The following CDH13 variants were observed in gnomAD, a reference collection of about 807,000 sequenced individuals.
The protein encoded by CDH13 is cadherin-13.
CDH13 carries 24 observed loss-of-function variants against 63.8 expected under a neutral mutation model. That is an observed-to-expected ratio of 0.38 (90% CI 0.27 to 0.53). The LOEUF is 0.53. Among genes scored for constraint, CDH13 ranks in the 20% least tolerant of loss-of-function variants. The pLI is 0.85. For missense variants in CDH13, 1,049 were observed against 903.1 expected, an observed-to-expected ratio of 1.16 and a Z score of -2.07; for synonymous variants, 503 against 355.3, an observed-to-expected ratio of 1.42 and a Z score of -4.67.
intron 1 of CDH13, among the ~76,000 whole-genome samples, chr16:82,712,189 C>G (rs142626992): frequency 6.6e-6 from 1 of 152,044 alleles, no homozygotes; most frequent in Non-Finnish European, 1.5e-5. Context: ...TCTCGCATGA[C>G]CTTGATGAAG....
intron 4 of CDH13, among the ~76,000 whole-genome samples, chr16:83,181,646 G>T (rs950462758): frequency 6.6e-6 from 1 of 152,302 alleles, no homozygotes; most frequent in Non-Finnish European, 1.5e-5. Flanking sequence ...GCTGAAAAGA[G>T]GGGGAGAAGA....
intron 4 of CDH13, among the ~76,000 whole-genome samples, chr16:83,180,199 A>T (rs998646897): frequency 5.3e-5 from 8 of 152,096 alleles, no homozygotes; most frequent in African/African-American, 1.9e-4. Flanking sequence ...CATTCTCTTC[A>T]TCACATAGCC....
chr16:83,051,993 A>G (rs2030390774), intron 3 of CDH13, among the ~76,000 whole-genome samples: 1 of 152,198 alleles, frequency 6.6e-6, no homozygotes. Context: ...GTCATGTGGA[A>G]ATGAGAATAA....
intron 6 of CDH13, among the ~76,000 whole-genome samples, chr16:83,365,876 A>G (rs190260510): frequency 7.5e-4 from 114 of 152,270 alleles, no homozygotes; most frequent in African/African-American, 2.3e-3. Context: ...CAGCACCCCA[A>G]ATGATGCTGG....
At chr16:82,810,861 G>T (rs898589380) in intron 1 of CDH13, among the ~76,000 whole-genome samples, 1 of 149,632 alleles carries the variant, frequency 6.7e-6, no homozygotes, top group African/African-American at 2.5e-5. Flanking sequence ...ATAGGATTCG[G>T]GGTGATTGTG....
intron 6 of CDH13, among the ~76,000 whole-genome samples, chr16:83,405,526 T>C (rs11149562): frequency 0.19 from 28,488 of 152,138 alleles, 2,895 homozygotes; most frequent in Middle Eastern, 0.28. Context: ...CAGGAAAAGG[T>C]AAGGGAACCT....
At chr16:83,101,864 A>G (rs1035147793) in intron 3 of CDH13, among the ~76,000 whole-genome samples, 4 of 152,294 alleles carry the variant, frequency 2.6e-5, no homozygotes, top group Admixed American at 6.5e-5. Flanking sequence ...GAAAGGTCTG[A>G]GGAAAGTGAA....
chr16:83,707,275 T>C (rs189699648), intron 10 of CDH13, among the ~76,000 whole-genome samples: 2 of 152,330 alleles, frequency 1.3e-5, no homozygotes, highest in African/African-American at 4.8e-5. Context: ...TCCGTAACAC[T>C]TTCGGTGAGT....
At chr16:83,125,644 A>G in intron 4 of CDH13, 143 bp downstream of exon 4, 1 of 544,264 alleles carries the variant, frequency 1.8e-6, no homozygotes, top group East Asian at 2.9e-5. Context: ...AGTCATGAAA[A>G]GAATGTTGGA....
chr16:82,991,561 C>A (rs1181134778), intron 2 of CDH13, among the ~76,000 whole-genome samples: 2 of 152,114 alleles, frequency 1.3e-5, no homozygotes, highest in South Asian at 2.1e-4. Flanking sequence ...CTACTGCAAT[C>A]CCTCATCTCA....
intron 3 of CDH13, among the ~76,000 whole-genome samples, chr16:83,045,426 C>G (rs1917686684): frequency 6.6e-6 from 1 of 151,922 alleles, no homozygotes; most frequent in Non-Finnish European, 1.5e-5. Context: ...ATCACGATAT[C>G]AGGAGTTCAA....
chr16:82,961,572 T>TAAAAAA (rs71376305), intron 2 of CDH13, among the ~76,000 whole-genome samples: 3 of 103,386 alleles, frequency 2.9e-5, no homozygotes, highest in East Asian at 3.0e-4. Context: ...GCAGGGGACT[T>TAAAAAA]AAAAAAAAAA....
chr16:83,153,331 C>A (rs1464191970), intron 4 of CDH13, among the ~76,000 whole-genome samples: 2 of 151,752 alleles, frequency 1.3e-5, no homozygotes, highest in Non-Finnish European at 2.9e-5. Context: ...CTGGGTGGTG[C>A]CAGTTGATCC....
chr16:82,865,073 T>C (rs1167578970), intron 2 of CDH13, among the ~76,000 whole-genome samples: 5 of 152,240 alleles, frequency 3.3e-5, no homozygotes, highest in African/African-American at 1.2e-4. Context: ...CAGGTCACCC[T>C]GATGCAAGAG....
At chr16:83,730,698 A>G (rs1910943713) in intron 10 of CDH13, among the ~76,000 whole-genome samples, 1 of 152,052 alleles carries the variant, frequency 6.6e-6, no homozygotes, top group Non-Finnish European at 1.5e-5. Flanking sequence ...CAGGGGGTCC[A>G]TGGGCAGGTT....
intron 5 of CDH13, among the ~76,000 whole-genome samples, chr16:83,308,955 A>C: frequency 6.6e-6 from 1 of 152,208 alleles, no homozygotes; most frequent in Non-Finnish European, 1.5e-5. Context: ...GAAGGGAAAG[A>C]GGGCACCAGG....
intron 4 of CDH13, among the ~76,000 whole-genome samples, chr16:83,135,868 G>T (rs1357748597): frequency 6.6e-6 from 1 of 152,198 alleles, no homozygotes; most frequent in African/African-American, 2.4e-5. Flanking sequence ...AATGGCATTT[G>T]CAGCAACCTG....
intron 7 of CDH13, among the ~76,000 whole-genome samples, chr16:83,529,075 C>T (rs1012816648): frequency 6.7e-6 from 1 of 148,730 alleles, no homozygotes. Context: ...AACCCCCTCC[C>T]CATGAATACC....
intron 7 of CDH13, among the ~76,000 whole-genome samples, chr16:83,488,814 G>A (rs1042829508): frequency 3.9e-5 from 6 of 152,010 alleles, no homozygotes; most frequent in African/African-American, 1.2e-4. Flanking sequence ...TAGTAGAGAT[G>A]GGGTTTCACT....
Sources: allele counts gnomAD v4.1 joint callset (sites outside exome capture counted in the v4.1 genomes callset), GRCh38; gene constraint gnomAD v4.1.1; transcripts MANE v1.5; gene names NCBI Gene and HGNC (gene_info 2026-07-23, HGNC 2026-07-21).